PKNOX2: variants seen among roughly 807,000 people sequenced by gnomAD.
PKNOX2 encodes the protein homeobox protein PKNOX2.
PKNOX2 carries 14 observed loss-of-function variants against 53.1 expected under a neutral mutation model. The observed-to-expected ratio is 0.26, with a 90% CI of 0.17 to 0.41. PKNOX2 has a LOEUF of 0.41. Among genes scored for constraint, PKNOX2 ranks in the 10% least tolerant of loss-of-function variants. The pLI is 1.00. For missense variants in PKNOX2, 496 were observed against 602.8 expected (o/e 0.82, Z 1.85); for synonymous variants, 257 against 242.8 (o/e 1.06, Z -0.54).
intron 11 of PKNOX2, among the ~76,000 whole-genome samples, chr11:125,429,356 G>A (rs1051030304): frequency 6.6e-6 from 1 of 152,262 alleles, no homozygotes; most frequent in East Asian, 1.9e-4. Context: ...GAAAACCCAC[G>A]CCCACCTGAG....
At chr11:125,300,840 G>A (rs1458692562) in intron 2 of PKNOX2, among the ~76,000 whole-genome samples, 1 of 152,124 alleles carries the variant, frequency 6.6e-6, no homozygotes, top group Non-Finnish European at 1.5e-5. Context: ...AAGCTACTTG[G>A]AGCCAGAACA....
intron 2 of PKNOX2, among the ~76,000 whole-genome samples, chr11:125,244,568 C>T (rs1030418332): frequency 1.3e-5 from 2 of 152,250 alleles, no homozygotes; most frequent in Non-Finnish European, 2.9e-5. Flanking sequence ...CCCTCCCACT[C>T]CCAGCCCCAG....
chr11:125,371,795 C>T (rs898217007), intron 5 of PKNOX2, among the ~76,000 whole-genome samples: 1 of 152,138 alleles, frequency 6.6e-6, no homozygotes, highest in Non-Finnish European at 1.5e-5. Flanking sequence ...GGGCTGGAGG[C>T]ATGAGCAGTG....
At chr11:125,321,136 T>C (rs755261925) in intron 2 of PKNOX2, among the ~76,000 whole-genome samples, 3 of 152,190 alleles carry the variant, frequency 2.0e-5, no homozygotes, top group South Asian at 2.1e-4. Context: ...ATCCCAGTCT[T>C]GGAACAAGCA....
chr11:125,304,360 T>A (rs1217518878), intron 2 of PKNOX2, among the ~76,000 whole-genome samples: 1 of 152,254 alleles, frequency 6.6e-6, no homozygotes, highest in Non-Finnish European at 1.5e-5. Context: ...CAGCTGGAGC[T>A]GTTCATTCAG....
intron 2 of PKNOX2, among the ~76,000 whole-genome samples, chr11:125,313,675 G>A (rs1196955779): frequency 6.6e-6 from 1 of 152,284 alleles, no homozygotes; most frequent in East Asian, 1.9e-4. Flanking sequence ...TCAGCACATC[G>A]CAGGGCCTCC....
At chr11:125,378,235 G>A (rs1484516079) in intron 5 of PKNOX2, among the ~76,000 whole-genome samples, 3 of 152,192 alleles carry the variant, frequency 2.0e-5, no homozygotes, top group Non-Finnish European at 4.4e-5. Context: ...ACTGTGTGCC[G>A]GTAGGGCATA....
chr11:125,428,952 C>T lies in PKNOX2; in HGVS notation c.937-60C>T. ...TAGTGCCCATGGCGTGGGCACAGTC[C>T]CTTGGGGGGGCCAGATCAGCATATG... On this transcript the variant is annotated intron_variant, in intron 10 of 12. Transcript: ENST00000298282. The T allele has an allele frequency of 2.0e-6, 3 of 1,534,238 alleles. No homozygotes were observed. In the South Asian group the frequency reaches 3.4e-5, roughly 17 times the overall value.
intron 1 of PKNOX2, among the ~76,000 whole-genome samples, chr11:125,175,440 G>T (rs1955646666): frequency 6.6e-6 from 1 of 152,348 alleles, no homozygotes; most frequent in East Asian, 1.9e-4. Flanking sequence ...TGCAGGTAAA[G>T]GCAGAAGAAG....
intron 1 of PKNOX2, among the ~76,000 whole-genome samples, chr11:125,233,314 C>T (rs2135559244): frequency 6.6e-6 from 1 of 152,320 alleles, no homozygotes; most frequent in African/African-American, 2.4e-5. Context: ...ATAGAGCATA[C>T]AGCTCCATGT....
chr11:125,313,488 C>T (rs1948958672), intron 2 of PKNOX2, among the ~76,000 whole-genome samples: 1 of 152,206 alleles, frequency 6.6e-6, no homozygotes, highest in Non-Finnish European at 1.5e-5. Flanking sequence ...CCTCACAGAG[C>T]TCCTGCTGGC....
chr11:125,385,209 GT>G (rs1201714188), intron 5 of PKNOX2, among the ~76,000 whole-genome samples: 1 of 152,166 alleles, frequency 6.6e-6, no homozygotes, highest in Non-Finnish European at 1.5e-5. Context: ...TCCTTCCTAG[GT>G]TGACTCTGAG....
chr11:125,374,214 G>C (rs557131270), intron 5 of PKNOX2, among the ~76,000 whole-genome samples: 2 of 152,272 alleles, frequency 1.3e-5, no homozygotes, highest in East Asian at 3.9e-4. Context: ...AATGTGCTGG[G>C]TGAGGTGGCC....
At chr11:125,250,466 C>T (rs1251668171) in intron 2 of PKNOX2, among the ~76,000 whole-genome samples, 1 of 152,134 alleles carries the variant, frequency 6.6e-6, no homozygotes, top group Non-Finnish European at 1.5e-5. Flanking sequence ...GCAAGAGCTC[C>T]GGTGCGCACA....
chr11:125,349,357 G>T (rs1951172321), intron 3 of PKNOX2, among the ~76,000 whole-genome samples: 1 of 151,904 alleles, frequency 6.6e-6, no homozygotes, highest in African/African-American at 2.4e-5. Context: ...GAAGAGAGAG[G>T]CTCCCCCAAA....
rs116732402 is a variant in PKNOX2 at position 125,266,998 on chromosome 11, T to G, written c.-130+31883T>G. On this transcript the variant is annotated intron_variant, in intron 2 of 12. Coordinates refer to ENST00000298282, the MANE Select transcript of PKNOX2 (RefSeq NM_001382323.2). ...TTTTTCTGTGGAAAAATCTCCCTTT[T>G]GATTTCTCTGAGACAGAGGCTGTTT... Among the ~76,000 whole-genome samples, 1,506 of 152,246 alleles carry G rather than the reference T, an allele frequency of 9.9e-3. 37 individuals are homozygous for G. Among genetic ancestry groups the G allele is most frequent in the African/African-American group, 0.035 (1,439 of 41,540 alleles).
intron 4 of PKNOX2, among the ~76,000 whole-genome samples, chr11:125,362,486 G>C (rs1951977923): frequency 6.6e-6 from 1 of 152,040 alleles, no homozygotes; most frequent in Admixed American, 6.6e-5. Context: ...CAATCCTCCT[G>C]CCTCAGCCTC....
intron 8 of PKNOX2, 159 bp downstream of exon 8, chr11:125,410,484 C>T (rs1322178672): frequency 2.7e-5 from 28 of 1,038,226 alleles, no homozygotes; most frequent in Non-Finnish European, 3.6e-5. Context: ...AGACGGTTAG[C>T]GCCAAGACCC....
chr11:125,348,686 G>A (rs577950393), intron 3 of PKNOX2, among the ~76,000 whole-genome samples: 3 of 152,286 alleles, frequency 2.0e-5, no homozygotes, highest in African/African-American at 7.2e-5. Flanking sequence ...TGGGGACAGC[G>A]CCTCTAAAAT....
Sources: gnomAD v4.1 joint callset for allele counts (sites outside exome capture counted in the v4.1 genomes callset) on GRCh38, gnomAD v4.1.1 for gene constraint, MANE v1.5 for transcripts, NCBI Gene and HGNC (gene_info 2026-07-23, HGNC 2026-07-21) for gene names.